Variants in VWA8 observed in about 807,000 individuals in gnomAD.
VWA8 encodes the protein von Willebrand factor A domain-containing protein 8.
A neutral mutation model predicts 241.5 loss-of-function variants in VWA8; 221 were observed. That is an observed-to-expected ratio of 0.91 (90% CI 0.82 to 1.02). VWA8 has a LOEUF of 1.02. VWA8 is among the 50% of genes least tolerant of loss of function. VWA8 has a pLI of 0.00. For synonymous variants in VWA8, 852 were observed against 827.1 expected (o/e 1.03, Z -0.52); for missense variants, 2,322 against 2,328.7 (o/e 1.00, Z 0.06).
chr13:41,604,898 A>G (rs566766687), intron 40 of VWA8, among the ~76,000 whole-genome samples: 3 of 152,256 alleles, frequency 2.0e-5, no homozygotes, highest in African/African-American at 7.2e-5. Context: ...CTTGTTCCTC[A>G]GCATTGAGAG....
intron 2 of VWA8, among the ~76,000 whole-genome samples, chr13:41,936,710 A>G (rs1387867725): frequency 6.6e-6 from 1 of 152,204 alleles, no homozygotes; most frequent in African/African-American, 2.4e-5. Context: ...GTTATTAACA[A>G]TGTATTGCAT....
chr13:41,732,079 C>A lies in VWA8; in HGVS notation c.2502+1G>T. On this transcript the variant is annotated splice_donor_variant, in intron 22 of 44. Coordinates refer to ENST00000379310, the MANE Select transcript of VWA8 (RefSeq NM_015058.2). LOFTEE classifies it high-confidence loss of function. ...AATATTTCTATGATTAGGTTACTAA[C>A]CAAAGGTGAGTCTTCATATACAATA... 6.2e-7 allele frequency: 1 copy of A among 1,611,644 alleles called. No homozygotes were observed. The highest frequency in any genetic ancestry group is 8.5e-7 in the Non-Finnish European group (1 of 1,178,498).
At chr13:41,898,631 G>A (rs934529230) in intron 4 of VWA8, among the ~76,000 whole-genome samples, 2 of 152,262 alleles carry the variant, frequency 1.3e-5, no homozygotes, top group Non-Finnish European at 2.9e-5. Flanking sequence ...GGAGCAGGGG[G>A]CGGCATTCGT....
chr13:41,831,613 GTTTTTTTTTT>G (rs71096547), intron 13 of VWA8, among the ~76,000 whole-genome samples: 17 of 113,408 alleles, frequency 1.5e-4, no homozygotes, highest in East Asian at 2.7e-4. Context: ...CCAGGCATGA[GTTTTTTTTTT>G]TTTTTTTTTT....
chr13:41,701,562 T>C (rs774130736), intron 27 of VWA8, 32 bp from the exon 28 acceptor site: 53 of 1,502,614 alleles, frequency 3.5e-5, no homozygotes, highest in Non-Finnish European at 4.5e-5. Flanking sequence ...AGTTAAGATA[T>C]TTTGGTTGTC....
At position 41,883,422 on chromosome 13, in the gene VWA8, G is replaced by T; in HGVS notation, c.1045C>A (p.His349Asn). Residue 349 changes from histidine to asparagine, a missense_variant, in exon 9 of 45, where the codon CAT (histidine) becomes AAT (asparagine). His to Asn is a moderately conservative substitution (Grantham distance 68, BLOSUM62 1). Transcript: ENST00000379310. The stretch of plus-strand genomic sequence containing the variant: ...CCTTCCACAGCCATCTTCCCTTCAT[G>T]ACCTAGTAAAATACTATATGGATAA... ...WLYPYSILLG[H>N]EGKMAVEGVL... 1 of 1,613,514 alleles carries T rather than the reference G, an allele frequency of 6.2e-7. No homozygotes were observed. The highest frequency in any genetic ancestry group is 1.1e-5 in the South Asian group (1 of 91,018).
At chr13:41,774,945 A>G (rs1414108669) in intron 20 of VWA8, among the ~76,000 whole-genome samples, 1 of 152,212 alleles carries the variant, frequency 6.6e-6, no homozygotes, top group Non-Finnish European at 1.5e-5. Context: ...ATGATGCCAC[A>G]TTGCCACTCT....
chr13:41,696,114 T>G (rs1391891476), intron 29 of VWA8: 1 of 152,248 alleles, frequency 6.6e-6, no homozygotes, highest in African/African-American at 2.4e-5. Context: ...TTCAATGGCA[T>G]CAATACTTTG....
chr13:41,784,020 A>G, intron 18 of VWA8, 119 bp from the exon 19 acceptor site: 2 of 702,750 alleles, frequency 2.8e-6, no homozygotes. Context: ...TTTAACATCT[A>G]AAGAAATAAG....
At chr13:41,807,183 T>C (rs1188265937) in intron 17 of VWA8, among the ~76,000 whole-genome samples, 1 of 152,090 alleles carries the variant, frequency 6.6e-6, no homozygotes. Flanking sequence ...AGTAACGAGA[T>C]TGACACCATA....
chr13:41,807,314 A>G (rs1243193288), intron 17 of VWA8, among the ~76,000 whole-genome samples: 1 of 152,164 alleles, frequency 6.6e-6, no homozygotes, highest in East Asian at 1.9e-4. Context: ...ATAGAGGAGG[A>G]GGGAATATTT....
chr13:41,790,277 A>G (rs1177374414), intron 17 of VWA8, among the ~76,000 whole-genome samples: 1 of 152,126 alleles, frequency 6.6e-6, no homozygotes, highest in Non-Finnish European at 1.5e-5. Flanking sequence ...ACCAACAATA[A>G]TCTTCTAGTT....
intron 42 of VWA8, among the ~76,000 whole-genome samples, chr13:41,577,540 T>C (rs2044357644): frequency 6.6e-6 from 1 of 152,162 alleles, no homozygotes; most frequent in Non-Finnish European, 1.5e-5. Context: ...TTGGCACAGA[T>C]GTGGAGAGAG....
At chr13:41,867,073 C>T (rs1458774409) in intron 10 of VWA8, among the ~76,000 whole-genome samples, 1 of 152,160 alleles carries the variant, frequency 6.6e-6, no homozygotes, top group Non-Finnish European at 1.5e-5. Flanking sequence ...CTGGTATCAA[C>T]ATGGAAAGCT....
At chr13:41,751,248 T>G (rs1008048072) in intron 21 of VWA8, among the ~76,000 whole-genome samples, 5 of 152,200 alleles carry the variant, frequency 3.3e-5, no homozygotes, top group East Asian at 1.9e-4. Context: ...CCATAATTCA[T>G]TTTTTAAAAA....
At position 41,671,121 on chromosome 13, in the gene VWA8, G is replaced by A. The variant is rs750407003; in HGVS notation, c.4436C>T (p.Thr1479Ile). The change falls in exon 37 of 45, where the codon ACA becomes ATA. Residue 1479 changes from threonine (T) to isoleucine (I), a missense_variant. By Grantham distance (89) the Thr-to-Ile change is moderately conservative (BLOSUM62 -1). Transcript: ENST00000379310. Reference sequence around the variant, plus strand: ...TGTGTCTGAAATGGTCGACAGCCATGTGGTATACGGCGAGAGAGATTCTGA... The same window carrying A: ...TGTGTCTGAAATGGTCGACAGCCATATGGTATACGGCGAGAGAGATTCTGA... ...PRSESLSPYT[T>I]WLSTISDTDA... is the part of the protein sequence containing the mutation. The A allele has an allele frequency of 6.2e-7, 1 of 1,613,882 alleles. No homozygotes were observed. Among genetic ancestry groups the A allele is most frequent in the South Asian group, 1.1e-5 (1 of 91,082 alleles).
chr13:41,679,405 A>C (rs1275920890), intron 35 of VWA8, among the ~76,000 whole-genome samples: 1 of 152,228 alleles, frequency 6.6e-6, no homozygotes, highest in Non-Finnish European at 1.5e-5. Flanking sequence ...GGTTTAACAC[A>C]CTTCTGTGTT....
chr13:41,939,876 T>C (rs1014103803), intron 2 of VWA8, among the ~76,000 whole-genome samples: 1 of 152,218 alleles, frequency 6.6e-6, no homozygotes, highest in Non-Finnish European at 1.5e-5. Flanking sequence ...ATAATAGTGA[T>C]TCTCCGTGCT....
chr13:41,591,227 G>C (rs2044452680), intron 40 of VWA8, among the ~76,000 whole-genome samples: 1 of 152,144 alleles, frequency 6.6e-6, no homozygotes, highest in Admixed American at 6.5e-5. Flanking sequence ...AATGGAAATA[G>C]CTGAAAACAA....
Sources: allele counts gnomAD v4.1 joint callset (sites outside exome capture counted in the v4.1 genomes callset), GRCh38; gene constraint gnomAD v4.1.1; transcripts MANE v1.5; gene names NCBI Gene and HGNC (gene_info 2026-07-23, HGNC 2026-07-21).